Variants in MTCL2 observed in about 807,000 individuals in gnomAD.
The protein encoded by MTCL2 is microtubule cross-linking factor 2.
chr20:36,813,313 TAAAAA>T, the MTCL2 span, among the ~76,000 whole-genome samples: 7 of 41,900 alleles, frequency 1.7e-4, no homozygotes, highest in South Asian at 1.8e-3. Flanking sequence ...ACTGTTTCTT[TAAAAA>T]AAAAAAAAAA....
the MTCL2 span, among the ~76,000 whole-genome samples, chr20:36,788,036 A>G: frequency 6.6e-6 from 1 of 150,650 alleles, no homozygotes; most frequent in African/African-American, 2.4e-5. Context: ...CCCCATCTCT[A>G]CTCAAAATAC....
the MTCL2 span, chr20:36,785,970 G>A: frequency 5.1e-6 from 5 of 987,750 alleles, no homozygotes; most frequent in Middle Eastern, 5.1e-4. Context: ...AGGAGGTGAT[G>A]GTGATGATGC....
At chr20:36,794,015 A>G in the MTCL2 span, 1 of 1,551,616 alleles carries the variant, frequency 6.4e-7, no homozygotes, top group Non-Finnish European at 8.7e-7. The surrounding 1 kb of genome is among the most constrained non-coding windows in gnomAD (Gnocchi z 5.4). Context: ...GCCGGAGCGC[A>G]TGGCCTGGCG....
chr20:36,789,354 G>C, the MTCL2 span, among the ~76,000 whole-genome samples: 1 of 152,142 alleles, frequency 6.6e-6, no homozygotes, highest in East Asian at 1.9e-4. Context: ...AGAGTGCTTT[G>C]AGATGAGATT....
At chr20:36,785,673 T>C in the MTCL2 span, 1 of 985,442 alleles carries the variant, frequency 1.0e-6, no homozygotes, top group Non-Finnish European at 1.2e-6. Context: ...CATTTATCTA[T>C]GCACCAGGTC....
the MTCL2 span, among the ~76,000 whole-genome samples, chr20:36,857,922 G>A: frequency 1.7e-3 from 260 of 152,220 alleles, 1 homozygote; most frequent in African/African-American, 6.0e-3. Context: ...CTGGGCGGGC[G>A]TGCTTGTCCC....
At chr20:36,863,373 C>A in the MTCL2 span, 28 of 1,158,034 alleles carry the variant, frequency 2.4e-5, no homozygotes, top group Middle Eastern at 3.5e-4. This position sits in a 1 kb window ranked among gnomAD's most constrained non-coding sequence, Gnocchi z 6.2. Flanking sequence ...CAGCGAGCTG[C>A]GCGCATGGCC....
chr20:36,793,405 T>C, the MTCL2 span: 9,937 of 1,551,534 alleles, frequency 6.4e-3, 588 homozygotes, highest in African/African-American at 0.12. The surrounding 1 kb of genome is among the most constrained non-coding windows in gnomAD (Gnocchi z 6.8). Context: ...GGTAGCTGGC[T>C]GGGGAGAGGG....
the MTCL2 span, among the ~76,000 whole-genome samples, chr20:36,849,503 C>T: frequency 6.6e-6 from 1 of 152,128 alleles, no homozygotes; most frequent in Non-Finnish European, 1.5e-5. Flanking sequence ...GGCTTGATCA[C>T]AGCTCACTGT....
chr20:36,863,471 C>T, the MTCL2 span: 1 of 631,280 alleles, frequency 1.6e-6, no homozygotes, highest in Non-Finnish European at 2.1e-6. This position sits in a 1 kb window ranked among gnomAD's most constrained non-coding sequence, Gnocchi z 6.2. Context: ...CCACCTCGGC[C>T]CCGACACCGC....
chr20:36,815,547 G>C, the MTCL2 span: 3 of 1,572,280 alleles, frequency 1.9e-6, no homozygotes, highest in South Asian at 2.3e-5. The surrounding 1 kb of genome is among the most constrained non-coding windows in gnomAD (Gnocchi z 5.3). Flanking sequence ...CTCGCCCAGG[G>C]GAGCAGGCAC....
chr20:36,840,965 A>G, the MTCL2 span, among the ~76,000 whole-genome samples: 2 of 152,062 alleles, frequency 1.3e-5, no homozygotes, highest in South Asian at 2.1e-4. Context: ...CTCTGTATGG[A>G]GCCCCAAGCT....
chr20:36,812,856 G>A, the MTCL2 span: 4 of 1,608,368 alleles, frequency 2.5e-6, no homozygotes, highest in African/African-American at 1.3e-5. Flanking sequence ...TGCACCCAGA[G>A]GCACAGGCAG....
At chr20:36,792,833 TA>T in the MTCL2 span, among the ~76,000 whole-genome samples, 1 of 144,236 alleles carries the variant, frequency 6.9e-6, no homozygotes, top group South Asian at 2.1e-4. Flanking sequence ...TATATATAGA[TA>T]TATAGATAGA....
chr20:36,797,564 C>G, the MTCL2 span: 1 of 1,556,576 alleles, frequency 6.4e-7, no homozygotes, highest in Middle Eastern at 1.7e-4. Context: ...GGGTCGGCAG[C>G]CTTCTGCAGC....
chr20:36,810,717 C>CCTCTCTCTCTCTCT, the MTCL2 span, among the ~76,000 whole-genome samples: 2,490 of 94,188 alleles, frequency 0.026, 165 homozygotes, highest in Middle Eastern at 0.061. Flanking sequence ...TCTCTCTCTC[C>CCTCTCTCTCTCTCT]CTCTCTCTCT....
the MTCL2 span, among the ~76,000 whole-genome samples, chr20:36,800,844 T>C: frequency 6.6e-6 from 1 of 152,338 alleles, no homozygotes; most frequent in South Asian, 2.1e-4. Context: ...AGGGCCTTCT[T>C]GTCCTTCTCA....
chr20:36,786,314 C>A, the MTCL2 span: 3 of 1,311,486 alleles, frequency 2.3e-6, no homozygotes, highest in Non-Finnish European at 2.9e-6. Context: ...GCAGGAGACC[C>A]GGCTTTACCT....
chr20:36,789,664 CAAAAA>C, the MTCL2 span, among the ~76,000 whole-genome samples: 1 of 115,444 alleles, frequency 8.7e-6, no homozygotes, highest in African/African-American at 3.2e-5. Flanking sequence ...GGCTCCGTCT[CAAAAA>C]AAAAAAAAAG....
Sources: allele counts gnomAD v4.1 joint callset (sites outside exome capture counted in the v4.1 genomes callset), GRCh38; gene constraint gnomAD v4.1.1; non-coding constraint Gnocchi (gnomAD v3.1); transcripts MANE v1.5; gene names NCBI Gene and HGNC (gene_info 2026-07-23, HGNC 2026-07-21).